The following PIGU variants were observed in gnomAD, a reference collection of about 807,000 sequenced individuals.
PIGU encodes the protein phosphatidylinositol glycan anchor biosynthesis class U, also known as GPI-anchor transamidase component PIGU.
A neutral mutation model predicts 49.9 loss-of-function variants in PIGU; 24 were observed. That is an observed-to-expected ratio of 0.48 (90% CI 0.35 to 0.68). The LOEUF (loss-of-function observed/expected upper bound fraction) is 0.68, where lower values mean the gene tolerates loss of function less well. Among genes scored for constraint, PIGU ranks in the 30% least tolerant of loss-of-function variants. The pLI, the probability that PIGU is intolerant of heterozygous loss-of-function variation, is 0.01. For missense variants in PIGU, 490 were observed against 532.6 expected (o/e 0.92, Z 0.79); for synonymous variants, 220 against 205.7 (o/e 1.07, Z -0.59).
chr20:34,636,138 C>A (rs1393194766), intron 5 of PIGU, among the ~76,000 whole-genome samples: 1 of 151,742 alleles, frequency 6.6e-6, no homozygotes, highest in Non-Finnish European at 1.5e-5. Flanking sequence ...GAGGTAGAGG[C>A]TACAGTGAGC....
rs1360216143 is a variant in PIGU at position 34,659,057 on chromosome 20, C to A, written c.131-1813G>T. On this transcript the variant is annotated intron_variant, in intron 1 of 11. Transcript: ENST00000217446. Reference sequence around the variant, plus strand: ...AGGAGCCCCTCTGCCCGGCCAGCTGCCCCGTCCGGGAGGGAGGTGGGGGGG... The same window carrying A: ...AGGAGCCCCTCTGCCCGGCCAGCTGACCCGTCCGGGAGGGAGGTGGGGGGG... 4.1e-5 allele frequency among the ~76,000 whole-genome samples: 6 copies of A among 147,292 alleles called. No individual in the cohort carries two copies. The East Asian group carries it at 6.4e-4, about 16-fold the overall frequency.
chr20:34,660,264 T>C (rs1986890873), intron 1 of PIGU, among the ~76,000 whole-genome samples: 1 of 151,758 alleles, frequency 6.6e-6, no homozygotes, highest in African/African-American at 2.4e-5. Context: ...TGGGCAAAAA[T>C]ATGAGAAACA....
chr20:34,574,517 A>C (rs1983141629), intron 11 of PIGU, among the ~76,000 whole-genome samples: 1 of 151,848 alleles, frequency 6.6e-6, no homozygotes, highest in Non-Finnish European at 1.5e-5. Flanking sequence ...CCTTGCTGGT[A>C]CTCCTCAGCC....
chr20:34,668,527 T>G (rs1987189883), intron 1 of PIGU, among the ~76,000 whole-genome samples: 1 of 145,030 alleles, frequency 6.9e-6, no homozygotes, highest in Non-Finnish European at 1.5e-5. Context: ...TCCCAGCACT[T>G]TGGAGGCTGA....
chr20:34,674,303 C>A (rs1017754973), intron 1 of PIGU, among the ~76,000 whole-genome samples: 17 of 151,808 alleles, frequency 1.1e-4, no homozygotes, highest in African/African-American at 4.1e-4. Context: ...TGCAGTGAGC[C>A]GAGATCGCGC....
chr20:34,602,471 C>T (rs1984462812), intron 7 of PIGU, among the ~76,000 whole-genome samples: 1 of 151,752 alleles, frequency 6.6e-6, no homozygotes, highest in Admixed American at 6.6e-5. Flanking sequence ...GTGGTGGGTG[C>T]CTGTAATCCC....
At chr20:34,576,531 C>T (rs1465671678) in intron 10 of PIGU, among the ~76,000 whole-genome samples, 1 of 152,198 alleles carries the variant, frequency 6.6e-6, no homozygotes, top group Non-Finnish European at 1.5e-5. Flanking sequence ...GACCCCCTTC[C>T]AGCTGCAAAT....
chr20:34,609,072 G>GA (rs1984718981), intron 7 of PIGU, among the ~76,000 whole-genome samples: 1 of 151,972 alleles, frequency 6.6e-6, no homozygotes, highest in Non-Finnish European at 1.5e-5. Context: ...TGTAGCTCAA[G>GA]AATTCAAGAC....
intron 8 of PIGU, among the ~76,000 whole-genome samples, chr20:34,585,874 A>C (rs1983681282): frequency 6.6e-6 from 1 of 152,238 alleles, no homozygotes; most frequent in Admixed American, 6.5e-5. Flanking sequence ...TTACTGCGCA[A>C]GACAGTTTAA....
At chr20:34,620,957 A>G (rs1280202746) in intron 6 of PIGU, among the ~76,000 whole-genome samples, 1 of 152,210 alleles carries the variant, frequency 6.6e-6, no homozygotes, top group Non-Finnish European at 1.5e-5. Context: ...TACCCATTTT[A>G]CAGGTCAAGA....
intron 7 of PIGU, among the ~76,000 whole-genome samples, chr20:34,591,024 A>G (rs1291712140): frequency 2.2e-5 from 1 of 45,572 alleles, no homozygotes; most frequent in Non-Finnish European, 5.1e-5. Flanking sequence ...CCGTCTCGAA[A>G]AAAAGAGAAA....
chr20:34,620,493 G>C (rs906596654), intron 6 of PIGU, among the ~76,000 whole-genome samples: 1 of 152,172 alleles, frequency 6.6e-6, no homozygotes, highest in East Asian at 1.9e-4. Context: ...GCCAGGCACT[G>C]TACTGTATCC....
At position 34,608,595 on chromosome 20, in the gene PIGU, C is replaced by T. The variant is rs565077541; in HGVS notation, c.627+7447G>A. Among the ~76,000 whole-genome samples, 3 of 151,994 alleles carry T rather than the reference C, an allele frequency of 2.0e-5. No individual in the cohort carries two copies. The South Asian group carries it at 6.2e-4, about 32-fold the overall frequency. ...TTACATACTACATTAGACAACCTTT[C>T]CTAGAGGGCTATGCCTACAGAGGGC... On this transcript the variant is annotated intron_variant, in intron 7 of 11. Transcript: ENST00000217446.
rs757172452 is a variant in PIGU, at chr20:34,677,000, G to A, written c.86C>T (p.Ser29Phe). 1.3e-6 allele frequency: 2 copies of A among 1,584,180 alleles called. No homozygotes were observed. The highest frequency in any genetic ancestry group is 1.7e-6 in the Non-Finnish European group (2 of 1,166,072). The change falls in exon 1 of 12, where the codon TCC becomes TTC. Residue 29 changes from serine to phenylalanine, a missense_variant. Physicochemically the swap from Ser to Phe is radical, Grantham distance 155. Coordinates refer to ENST00000217446, the MANE Select transcript of PIGU (RefSeq NM_080476.5). ...TGGGGACACCACCTCCACCCGCTCG[G>A]AAATGAACTCGGCCAGACTGGAGCG... ...LFRSSLAEFI[S>F]ERVEVVSPLS...
chr20:34,647,267 G>A (rs1353917178), intron 2 of PIGU, among the ~76,000 whole-genome samples: 1 of 150,244 alleles, frequency 6.7e-6, no homozygotes, highest in African/African-American at 2.5e-5. Context: ...CACCGTGCCC[G>A]GCCGTTTTTT....
chr20:34,572,618 C>T (rs573794776), intron 11 of PIGU, among the ~76,000 whole-genome samples: 19 of 152,250 alleles, frequency 1.2e-4, no homozygotes, highest in East Asian at 5.8e-4. Context: ...CACGCCATTG[C>T]GCTCTATCCT....
In PIGU at chr20:34,581,614, A is replaced by G; in HGVS notation, c.985T>C (p.Tyr329His). Residue 329 changes from tyrosine (Y) to histidine (H), a missense_variant, in exon 10 of 12, where the codon TAC becomes CAC. Transcript: ENST00000217446. ...AGCGCCACGTCCCCCACTGTCGGGT[A>G]GGACTTAAAGATGGCGATGACAGCG... ...QIAVIAIFKS[Y>H]PTVGDVALYM... 1.2e-6 allele frequency: 2 copies of G among 1,614,006 alleles called. No individual in the cohort carries two copies. Among genetic ancestry groups the G allele is most frequent in the East Asian group, 2.2e-5 (1 of 44,888 alleles).
At chr20:34,589,749 G>A (rs1250264250) in intron 7 of PIGU, among the ~76,000 whole-genome samples, 2 of 139,236 alleles carry the variant, frequency 1.4e-5, no homozygotes, top group African/African-American at 2.7e-5. Context: ...TCCACCTCCC[G>A]GGTTCAAGGG....
intron 6 of PIGU, among the ~76,000 whole-genome samples, chr20:34,625,994 A>G (rs1382058580): frequency 6.7e-6 from 1 of 149,520 alleles, no homozygotes; most frequent in Admixed American, 6.7e-5. Context: ...ACAATTTTAC[A>G]TTGTTTAAAA....
Sources: gnomAD v4.1 joint callset for allele counts (sites outside exome capture counted in the v4.1 genomes callset) on GRCh38, gnomAD v4.1.1 for gene constraint, MANE v1.5 for transcripts, NCBI Gene and HGNC (gene_info 2026-07-23, HGNC 2026-07-21) for gene names.